The following CACNB2 variants were observed in gnomAD, a reference collection of about 807,000 sequenced individuals.
CACNB2 encodes the protein voltage-dependent L-type calcium channel subunit beta-2.
Under a neutral mutation model 73.3 loss-of-function variants are expected in CACNB2, and 42 were observed. The ratio of observed to expected loss-of-function variants is 0.57; its 90% CI spans 0.45 to 0.74. CACNB2 has a LOEUF of 0.74. CACNB2 is among the 30% of genes least tolerant of loss of function. CACNB2 has a pLI of 0.00. For synonymous variants in CACNB2, 348 were observed against 310.3 expected (o/e 1.12, Z -1.28); for missense variants, 940 against 853.0 (o/e 1.10, Z -1.27).
At chr10:18,146,932 G>A (rs1224217210) in intron 1 of CACNB2, among the ~76,000 whole-genome samples, 1 of 152,152 alleles carries the variant, frequency 6.6e-6, no homozygotes, top group Non-Finnish European at 1.5e-5. Flanking sequence ...CTAATTTTAA[G>A]TGTCAGTATT....
intron 2 of CACNB2, among the ~76,000 whole-genome samples, chr10:18,297,021 G>A (rs1247032018): frequency 3.3e-5 from 5 of 152,122 alleles, no homozygotes; most frequent in African/African-American, 4.8e-5. Flanking sequence ...TAGTGCCAGC[G>A]CATAAAAGTA....
chr10:18,156,967 C>CA (rs2032094154), intron 2 of CACNB2, among the ~76,000 whole-genome samples: 2 of 151,558 alleles, frequency 1.3e-5, no homozygotes, highest in Admixed American at 1.3e-4. Flanking sequence ...TGCTTGAACC[C>CA]AGGAGGCAGA....
At chr10:18,400,768 T>C in intron 2 of CACNB2, 1 of 1,380,092 alleles carries the variant, frequency 7.2e-7, no homozygotes, top group South Asian at 1.6e-5. Context: ...GGCTTTTGAA[T>C]GCACTTGTCT....
At chr10:18,260,984 T>A in intron 2 of CACNB2, 1 of 1,362,924 alleles carries the variant, frequency 7.3e-7, no homozygotes, top group Non-Finnish European at 9.5e-7. Flanking sequence ...GGAAAATTAA[T>A]GCTACTTCTT....
At chr10:18,496,099 T>G (rs1482561438) in intron 3 of CACNB2, among the ~76,000 whole-genome samples, 1 of 148,124 alleles carries the variant, frequency 6.8e-6, no homozygotes, top group Non-Finnish European at 1.5e-5. Context: ...GGTAGAAGAA[T>G]CGCTTGAACC....
intron 2 of CACNB2, among the ~76,000 whole-genome samples, chr10:18,324,859 A>C (rs553426741): frequency 1.3e-5 from 2 of 152,250 alleles, no homozygotes; most frequent in Non-Finnish European, 2.9e-5. Context: ...GCGTGACTCC[A>C]TGTCAAAACA....
chr10:18,220,176 C>CAT (rs1398588145), intron 2 of CACNB2, among the ~76,000 whole-genome samples: 1,231 of 22,152 alleles, frequency 0.056, 212 homozygotes, highest in African/African-American at 0.27. Flanking sequence ...CACACACATA[C>CAT]ATATATATAC....
chr10:18,144,509 C>T (rs1266590297), intron 1 of CACNB2, among the ~76,000 whole-genome samples: 1 of 152,206 alleles, frequency 6.6e-6, no homozygotes, highest in Non-Finnish European at 1.5e-5. Flanking sequence ...AACCTGGACA[C>T]AGTCTACTTC....
intron 3 of CACNB2, among the ~76,000 whole-genome samples, chr10:18,432,835 A>C (rs575704571): frequency 2.3e-4 from 35 of 150,908 alleles, no homozygotes; most frequent in African/African-American, 7.3e-4. Flanking sequence ...CCTGTCTAAA[A>C]AAACAAACAA....
intron 2 of CACNB2, among the ~76,000 whole-genome samples, chr10:18,311,187 G>T (rs1303228485): frequency 1.3e-5 from 2 of 151,832 alleles, no homozygotes; most frequent in African/African-American, 4.8e-5. Flanking sequence ...GACCTTTTAG[G>T]CTCTTCTTTC....
rs968067785 is a variant in CACNB2, at chr10:18,403,355, A to G, written c.333+1312A>G. Among the ~76,000 whole-genome samples the G allele has an allele frequency of 1.3e-5, 2 of 152,252 alleles. 1 individual carries two copies. The highest frequency in any genetic ancestry group is 2.9e-5 in the Non-Finnish European group (2 of 68,044). The stretch of plus-strand genomic sequence containing the variant: ...TATGACAGTCTGCATTGTAGTTAAT[A>G]TAGGTTGCAGCTGAGAGTCTGAATT... On this transcript the variant is annotated intron_variant, in intron 3 of 13. Coordinates refer to ENST00000324631, the MANE Select transcript of CACNB2 (RefSeq NM_201596.3).
At chr10:18,365,882 C>G (rs7904974) in intron 2 of CACNB2, among the ~76,000 whole-genome samples, 46,807 of 151,954 alleles carry the variant, frequency 0.31, 7,721 homozygotes, top group East Asian at 0.7. Context: ...ATGTATAGAA[C>G]TATCTTTGTT....
At chr10:18,157,762 A>G (rs2032164045) in intron 2 of CACNB2, among the ~76,000 whole-genome samples, 1 of 152,238 alleles carries the variant, frequency 6.6e-6, no homozygotes. Context: ...TGAATAAATT[A>G]TAATAACAAT....
intron 2 of CACNB2, among the ~76,000 whole-genome samples, chr10:18,217,755 G>T (rs2131375515): frequency 1.3e-5 from 2 of 151,884 alleles, no homozygotes; most frequent in East Asian, 3.9e-4. Context: ...TGACTGGTGT[G>T]TTCAGATATA....
intron 3 of CACNB2, among the ~76,000 whole-genome samples, chr10:18,489,840 A>T (rs190089784): frequency 2.4e-3 from 363 of 152,278 alleles, no homozygotes; most frequent in African/African-American, 8.2e-3. Flanking sequence ...TTGGAAACAT[A>T]CTGGAGACAC....
At chr10:18,209,307 G>C (rs1053980850) in intron 2 of CACNB2, among the ~76,000 whole-genome samples, 27 of 152,084 alleles carry the variant, frequency 1.8e-4, no homozygotes, top group African/African-American at 6.5e-4. Flanking sequence ...TTTGATAGAT[G>C]GATATGTTTC....
At chr10:18,305,470 A>C (rs895701352) in intron 2 of CACNB2, among the ~76,000 whole-genome samples, 2 of 152,220 alleles carry the variant, frequency 1.3e-5, no homozygotes, top group Non-Finnish European at 2.9e-5. Context: ...AAATTAACTC[A>C]ATAATATCTC....
chr10:18,164,859 AC>A (rs572827778), intron 2 of CACNB2, among the ~76,000 whole-genome samples: 133 of 152,284 alleles, frequency 8.7e-4, no homozygotes, highest in Middle Eastern at 3.4e-3. Flanking sequence ...GGCCAAAAAT[AC>A]ACGGACTTCC....
chr10:18,261,051 C>A (rs1378393726), intron 2 of CACNB2: 6 of 1,409,852 alleles, frequency 4.3e-6, no homozygotes, highest in Non-Finnish European at 5.5e-6. Flanking sequence ...ACGCCCCCCA[C>A]CCCCAAAAAA....
Sources: gnomAD v4.1 joint callset for allele counts (sites outside exome capture counted in the v4.1 genomes callset) on GRCh38, gnomAD v4.1.1 for gene constraint, MANE v1.5 for transcripts, NCBI Gene and HGNC (gene_info 2026-07-23, HGNC 2026-07-21) for gene names.